Variants in GON4L observed in about 807,000 individuals in gnomAD.
GON4L encodes gon-4 like.
Under a neutral mutation model 211.8 loss-of-function variants are expected in GON4L, and 87 were observed. That is an observed-to-expected ratio of 0.41 (90% CI 0.35 to 0.49). GON4L has a LOEUF of 0.49. Ranked by LOEUF, GON4L falls within the 20% of genes least tolerant of loss-of-function variation. The pLI is 0.15. For missense variants in GON4L, 2,155 were observed against 2,659.5 expected (o/e 0.81, Z 4.17); for synonymous variants, 875 against 962.6 (o/e 0.91, Z 1.68).
At chr1:155,795,922 C>T (rs1666027247) in intron 11 of GON4L, among the ~76,000 whole-genome samples, 2 of 152,060 alleles carry the variant, frequency 1.3e-5, no homozygotes, top group South Asian at 4.1e-4. Flanking sequence ...ACAGTGTGAG[C>T]CATTGCACCC....
chr1:155,803,255 T>C (rs1435641102), intron 11 of GON4L, among the ~76,000 whole-genome samples: 1 of 151,392 alleles, frequency 6.6e-6, no homozygotes, highest in Non-Finnish European at 1.5e-5. Context: ...TTCTTTTTTT[T>C]TTTTTTTTGA....
chr1:155,767,427 T>G lies in GON4L; in HGVS notation c.2761A>C (p.Lys921Gln). 1 of 1,613,744 alleles carries G rather than the reference T, an allele frequency of 6.2e-7. No homozygotes were observed. The highest frequency in any genetic ancestry group is 8.5e-7 in the Non-Finnish European group (1 of 1,179,782). Reference sequence around the variant, plus strand: ...GACTTCGAGGAAGAGGGCTGTACCTTTAACCAGAATGGGAGCCGGTGTTCT... The same window carrying G: ...GACTTCGAGGAAGAGGGCTGTACCTGTAACCAGAATGGGAGCCGGTGTTCT... ...REEHRLPFWLKASLPSIQEEL... is the reference protein window; with the variant it reads ...REEHRLPFWLQASLPSIQEEL... The change falls in exon 20 of 32, where the codon AAG becomes CAG. Residue 921 changes from lysine to glutamine, a missense_variant and splice_region_variant. Transcript: ENST00000368331.
downstream of GON4L, chr1:155,748,891 C>A: frequency 9.0e-7 from 1 of 1,106,312 alleles, no homozygotes; most frequent in Non-Finnish European, 1.3e-6. Flanking sequence ...CTCCCCACCC[C>A]TTAAAAAGGA....
chr1:155,801,557 TTCTC>T (rs767067728), intron 11 of GON4L, among the ~76,000 whole-genome samples: 31 of 152,270 alleles, frequency 2.0e-4, no homozygotes, highest in Admixed American at 5.9e-4. Context: ...TCTTGTTATT[TTCTC>T]TCTCTTTTTT....
At chr1:155,852,162 CAAAAAA>C (rs150456648) in intron 2 of GON4L, among the ~76,000 whole-genome samples, 1 of 77,866 alleles carries the variant, frequency 1.3e-5, no homozygotes. Flanking sequence ...GAGACTGTCA[CAAAAAA>C]AAAAAAAAAA....
At chr1:155,852,620 G>A (rs1671902033) in intron 2 of GON4L, among the ~76,000 whole-genome samples, 1 of 152,122 alleles carries the variant, frequency 6.6e-6, no homozygotes, top group African/African-American at 2.4e-5. Context: ...GTGGGTGCCT[G>A]TAGTCCCAGC....
At chr1:155,746,339 G>T (rs1660253473), downstream of GON4L, among the ~76,000 whole-genome samples, 1 of 114,814 alleles carries the variant, frequency 8.7e-6, no homozygotes, top group African/African-American at 3.4e-5. Flanking sequence ...GCTAGGCCCT[G>T]GAGACAGTGA....
At chr1:155,810,478 C>A (rs1054597875) in intron 10 of GON4L, among the ~76,000 whole-genome samples, 15 of 148,800 alleles carry the variant, frequency 1.0e-4, no homozygotes, top group African/African-American at 3.5e-4. Flanking sequence ...GAGGCCAAGG[C>A]AGGCGGATCA....
intron 27 of GON4L, among the ~76,000 whole-genome samples, chr1:155,755,477 C>T (rs1213269706): frequency 6.6e-6 from 1 of 152,012 alleles, no homozygotes; most frequent in Non-Finnish European, 1.5e-5. Context: ...TCCCAAAATG[C>T]TGGGATTACA....
At chr1:155,831,290 C>T (rs1253998158) in intron 2 of GON4L, among the ~76,000 whole-genome samples, 4 of 151,628 alleles carry the variant, frequency 2.6e-5, no homozygotes, top group Non-Finnish European at 4.4e-5. Context: ...CACGGTGGGA[C>T]CCTGTCTAAA....
intron 23 of GON4L, among the ~76,000 whole-genome samples, chr1:155,760,885 C>T (rs891374836): frequency 2.6e-5 from 4 of 152,180 alleles, no homozygotes; most frequent in Admixed American, 2.6e-4. Context: ...GTTCTACCCA[C>T]AAAACCAAGC....
intron 10 of GON4L, among the ~76,000 whole-genome samples, chr1:155,810,877 A>AGTG (rs1571828290): frequency 6.6e-6 from 1 of 151,122 alleles, no homozygotes; most frequent in African/African-American, 2.4e-5. Context: ...TAGCTGGCGT[A>AGTG]GTGGTGTGTG....
In GON4L at chr1:155,757,251, G is replaced by T; in HGVS notation, c.5326C>A (p.His1776Asn). 6.2e-7 allele frequency: 1 copy of T among 1,613,900 alleles called. No homozygotes were observed. Among genetic ancestry groups the T allele is most frequent in the Non-Finnish European group, 8.5e-7 (1 of 1,179,844 alleles). The change falls in exon 26 of 32, where the codon CAC becomes AAC. Residue 1776 changes from histidine (H) to asparagine (N), a missense_variant. Physicochemically the swap from His to Asn is moderately conservative, Grantham distance 68 (BLOSUM62 1). Coordinates refer to ENST00000368331, the MANE Select transcript of GON4L (RefSeq NM_001282860.2). ...ATCCGGCTAGCTGCTGGGCGCAAGT[G>T]GTCAAAGAAGATAGAAAACTCATCC... is the stretch of plus-strand genomic sequence containing the variant. ...LQDEFSIFFD[H>N]LRPAASRMGD...
At chr1:155,793,449 T>C (rs936244354) in intron 12 of GON4L, among the ~76,000 whole-genome samples, 1 of 152,222 alleles carries the variant, frequency 6.6e-6, no homozygotes, top group Non-Finnish European at 1.5e-5. Context: ...AGCCAGCATC[T>C]TACCTTCTCC....
At chr1:155,806,129 C>T (rs1484583334) in intron 10 of GON4L, among the ~76,000 whole-genome samples, 2 of 150,906 alleles carry the variant, frequency 1.3e-5, no homozygotes, top group Non-Finnish European at 2.9e-5. Context: ...CTGGGACTAT[C>T]GGCATGCTCT....
In GON4L at chr1:155,841,120, C is replaced by T. The variant is rs1670735966; in HGVS notation, c.505+12156G>A. ...TTTGCCTCTATATGAATTAATATAA[C>T]TTATTCTATGCCTTGATACTAAATA... On this transcript the variant is annotated intron_variant, in intron 2 of 31. Coordinates refer to ENST00000368331, the MANE Select transcript of GON4L (RefSeq NM_001282860.2). Among the ~76,000 whole-genome samples the T allele has an allele frequency of 2.0e-5, 3 of 152,208 alleles. No homozygotes were observed. The South Asian group carries it at 6.2e-4, about 31-fold the overall frequency.
In GON4L at chr1:155,760,538, T is replaced by C; in HGVS notation, c.5015A>G (p.Tyr1672Cys). 1 of 1,613,306 alleles carries C rather than the reference T, an allele frequency of 6.2e-7. No individual in the cohort carries two copies. Among genetic ancestry groups the C allele is most frequent in the East Asian group, 2.2e-5 (1 of 44,880 alleles). Residue 1672 changes from tyrosine to cysteine, a missense_variant, in exon 24 of 32, where the codon TAC becomes TGC. Physicochemically the swap from Tyr to Cys is radical, Grantham distance 194. Coordinates refer to ENST00000368331, the MANE Select transcript of GON4L (RefSeq NM_001282860.2). ...STQRRTAVDL[Y>C]KSLQILLQDW... ...TTGGAGCAGAATTTGCAGGCTTTTGTAGAGATCTACAGCCGTCCGTCTCTG... is the reference window on the plus strand; with the variant it reads ...TTGGAGCAGAATTTGCAGGCTTTTGCAGAGATCTACAGCCGTCCGTCTCTG...
chr1:155,797,724 G>A (rs183267574), intron 11 of GON4L, among the ~76,000 whole-genome samples: 34 of 150,870 alleles, frequency 2.3e-4, no homozygotes, highest in Admixed American at 3.3e-4. Flanking sequence ...GTAATGGTGC[G>A]TGCCTGTAAT....
At chr1:155,852,473 T>C (rs994222265) in intron 2 of GON4L, among the ~76,000 whole-genome samples, 1 of 152,118 alleles carries the variant, frequency 6.6e-6, no homozygotes, top group African/African-American at 2.4e-5. Flanking sequence ...CTGGGTGCAG[T>C]GGCTCACGCT....
Sources: allele counts gnomAD v4.1 joint callset (sites outside exome capture counted in the v4.1 genomes callset), GRCh38; gene constraint gnomAD v4.1.1; transcripts MANE v1.5; gene names NCBI Gene and HGNC (gene_info 2026-07-23, HGNC 2026-07-21).